PTPN13: variants seen among roughly 807,000 people sequenced by gnomAD.
The protein encoded by PTPN13 is protein tyrosine phosphatase non-receptor type 13.
In PTPN13, 191 loss-of-function variants were observed where a neutral mutation model predicts 284.0. The observed-to-expected ratio is 0.67, with a 90% CI of 0.60 to 0.76. The LOEUF (loss-of-function observed/expected upper bound fraction) is 0.76, where lower values mean the gene tolerates loss of function less well. PTPN13 is among the 30% of genes least tolerant of loss of function. The probability of loss-of-function intolerance (pLI) is 0.00; values close to 1 mark genes in which losing one functional copy is unlikely to be tolerated. For missense variants in PTPN13, 2,797 were observed against 2,939.9 expected (o/e 0.95, Z 1.12); for synonymous variants, 986 against 1,022.3 (o/e 0.96, Z 0.68).
At chr4:86,704,933 A>T (rs1578453750) in intron 7 of PTPN13, among the ~76,000 whole-genome samples, 1 of 152,242 alleles carries the variant, frequency 6.6e-6, no homozygotes, top group East Asian at 1.9e-4. Flanking sequence ...GGCATTAATC[A>T]AAAGGAATGT....
intron 17 of PTPN13, among the ~76,000 whole-genome samples, chr4:86,747,148 T>C (rs1242829655): frequency 6.6e-6 from 1 of 152,244 alleles, no homozygotes; most frequent in Non-Finnish European, 1.5e-5. Flanking sequence ...TTGAAGTTAG[T>C]CTGTCATCCT....
In PTPN13 at chr4:86,775,493, G is replaced by C. The variant is rs1419345220; in HGVS notation, c.5732G>C (p.Ser1911Thr). The change falls in exon 35 of 48, where the codon AGT (serine) becomes ACT (threonine). Residue 1911 changes from serine (S) to threonine (T), a missense_variant. Transcript: ENST00000411767. ...AGCCTTTATCAAGTGGTATATATTAGTGATATTAATCCAAGGTCCGTCGCA... is the reference window on the plus strand; with the variant it reads ...AGCCTTTATCAAGTGGTATATATTACTGATATTAATCCAAGGTCCGTCGCA... Reference protein sequence around the residue: ...HDSLYQVVYISDINPRSVAAI... With the variant: ...HDSLYQVVYITDINPRSVAAI... 2 of 1,610,568 alleles carry C rather than the reference G, an allele frequency of 1.2e-6. No individual in the cohort carries two copies. The highest frequency in any genetic ancestry group is 2.7e-5 in the African/African-American group (2 of 74,806).
At chr4:86,675,272 GC>G (rs1250266245) in intron 3 of PTPN13, among the ~76,000 whole-genome samples, 2 of 152,090 alleles carry the variant, frequency 1.3e-5, no homozygotes, top group Non-Finnish European at 2.9e-5. Flanking sequence ...GGAACTTCTA[GC>G]TTACCTCATG....
intron 6 of PTPN13, 44 bp downstream of exon 6, chr4:86,693,718 C>T (rs778138420): frequency 1.2e-5 from 16 of 1,362,224 alleles, no homozygotes; most frequent in Non-Finnish European, 1.6e-5. Flanking sequence ...TAACCTTATC[C>T]CATTGTTTTC....
chr4:86,799,316 G>GTT, intron 42 of PTPN13, 112 bp downstream of exon 42: 4 of 505,328 alleles, frequency 7.9e-6, no homozygotes, highest in African/African-American at 2.4e-5. Flanking sequence ...TACATTATTT[G>GTT]CTTTTTTTTT....
chr4:86,722,773 A>G (rs1179918842), intron 10 of PTPN13, among the ~76,000 whole-genome samples: 2 of 152,196 alleles, frequency 1.3e-5, no homozygotes, highest in African/African-American at 4.8e-5. Flanking sequence ...TATTCCATAT[A>G]TTGAGAAGAT....
intron 1 of PTPN13, among the ~76,000 whole-genome samples, chr4:86,630,514 A>G (rs764599277): frequency 5.3e-5 from 8 of 152,180 alleles, no homozygotes; most frequent in Non-Finnish European, 1.0e-4. Context: ...ATACTAATAT[A>G]TGGGCTGTGT....
At chr4:86,735,449 T>G in intron 14 of PTPN13, 145 bp from the exon 15 acceptor site, 1 of 825,486 alleles carries the variant, frequency 1.2e-6, no homozygotes, top group Non-Finnish European at 1.8e-6. Flanking sequence ...ACTGATGCAT[T>G]TCTTCTAAAA....
rs2149374773 is a variant in PTPN13 at position 86,803,819 on chromosome 4, G to C, written c.6616G>C (p.Gly2206Arg). 1.2e-6 allele frequency: 2 copies of C among 1,613,746 alleles called. No individual in the cohort carries two copies. Among genetic ancestry groups the C allele is most frequent in the Non-Finnish European group, 1.7e-6 (2 of 1,179,768 alleles). Residue 2206 changes from glycine to arginine, a missense_variant, in exon 43 of 48, where the codon GGT (glycine) becomes CGT (arginine). Physicochemically the swap from Gly to Arg is moderately radical, Grantham distance 125. Transcript: ENST00000411767. ...AAAATCAGTCATTCGAGTCCTGCGG[G>C]GTTTGCTAGATCAAGGAATTCCTTC... ...NLKSVIRVLR[G>R]LLDQGIPSKE... is the part of the protein sequence containing the mutation.
chr4:86,615,357 C>T (rs1394440815), intron 1 of PTPN13, among the ~76,000 whole-genome samples: 1 of 152,068 alleles, frequency 6.6e-6, no homozygotes, highest in Non-Finnish European at 1.5e-5. Context: ...CTGATACTTA[C>T]ATGACTGTAT....
At chr4:86,794,657 G>A (rs573102093) in intron 40 of PTPN13, among the ~76,000 whole-genome samples, 2 of 152,130 alleles carry the variant, frequency 1.3e-5, no homozygotes, top group African/African-American at 2.4e-5. Flanking sequence ...ATACTACAAG[G>A]CTACAGTAAC....
At chr4:86,682,465 C>T (rs114154231) in intron 3 of PTPN13, among the ~76,000 whole-genome samples, 1,738 of 150,698 alleles carry the variant, frequency 0.012, 23 homozygotes, top group Non-Finnish European at 0.018. Flanking sequence ...ATTCTTTTTT[C>T]GCCTTGGACT....
In PTPN13 at chr4:86,784,407, C is replaced by G. The variant is rs1453870551; in HGVS notation, c.6025-58C>G. ...GAGGAGAGAGACAATGTGCAGTCCCCCGATCCTGGAAGTTAGTAAAATACT... is the reference window on the plus strand; with the variant it reads ...GAGGAGAGAGACAATGTGCAGTCCCGCGATCCTGGAAGTTAGTAAAATACT... On this transcript the variant is annotated intron_variant, in intron 37 of 47. Coordinates refer to ENST00000411767, the MANE Select transcript of PTPN13 (RefSeq NM_080683.3). 17 of 1,178,748 alleles carry G rather than the reference C, an allele frequency of 1.4e-5. No individual in the cohort carries two copies. The East Asian group carries it at 4.2e-4, about 29-fold the overall frequency. 73.0% of individuals were successfully genotyped at this position (1,178,748 alleles called of 1,614,324 possible).
At chr4:86,661,116 C>A (rs1414694483) in intron 2 of PTPN13, 3 of 453,764 alleles carry the variant, frequency 6.6e-6, no homozygotes, top group East Asian at 1.4e-4. Flanking sequence ...CATTTCAGCA[C>A]CTAGAAGTCT....
chr4:86,761,170 A>ATATATATATATATATATATATAT (rs60263343), intron 23 of PTPN13, among the ~76,000 whole-genome samples: 2 of 144,308 alleles, frequency 1.4e-5, no homozygotes, highest in African/African-American at 2.5e-5. Flanking sequence ...ATATATATAT[A>ATATATATATATATATATATATAT]AACACAACAC....
intron 1 of PTPN13, among the ~76,000 whole-genome samples, chr4:86,602,724 A>G (rs74376954): frequency 0.046 from 6,973 of 150,408 alleles, 221 homozygotes; most frequent in African/African-American, 0.06. Context: ...ACAAGGTCTC[A>G]GTCACTCAGG....
intron 7 of PTPN13, among the ~76,000 whole-genome samples, chr4:86,714,435 T>A (rs781004114): frequency 6.6e-6 from 1 of 152,038 alleles, no homozygotes; most frequent in Non-Finnish European, 1.5e-5. Flanking sequence ...TTCAAAACAT[T>A]TTTTTTAATC....
chr4:86,608,703 C>T (rs1398607877), intron 1 of PTPN13, among the ~76,000 whole-genome samples: 3 of 151,952 alleles, frequency 2.0e-5, no homozygotes, highest in Non-Finnish European at 2.9e-5. Context: ...AATCTGGTTC[C>T]GAAGCCTGTG....
chr4:86,736,389 T>A (rs1345723407), intron 15 of PTPN13, among the ~76,000 whole-genome samples: 3 of 152,226 alleles, frequency 2.0e-5, no homozygotes, highest in Non-Finnish European at 4.4e-5. Flanking sequence ...AAGACAAATT[T>A]TCAGAACATT....
Sources: gnomAD v4.1 joint callset for allele counts (sites outside exome capture counted in the v4.1 genomes callset) on GRCh38, gnomAD v4.1.1 for gene constraint, MANE v1.5 for transcripts, NCBI Gene and HGNC (gene_info 2026-07-23, HGNC 2026-07-21) for gene names.